The following MYO15A variants were observed in gnomAD, a reference collection of about 807,000 sequenced individuals.
MYO15A encodes the protein myosin XVA.
A neutral mutation model predicts 394.6 loss-of-function variants in MYO15A; 308 were observed. The ratio of observed to expected loss-of-function variants is 0.78; its 90% CI spans 0.71 to 0.86. The LOEUF (loss-of-function observed/expected upper bound fraction) is 0.86. Among genes scored for constraint, MYO15A ranks in the 40% least tolerant of loss-of-function variants. MYO15A has a pLI of 0.00. For missense variants in MYO15A, 4,606 were observed against 4,799.1 expected, an observed-to-expected ratio of 0.96 and a Z score of 1.19; for synonymous variants, 1,957 against 2,003.8, an observed-to-expected ratio of 0.98 and a Z score of 0.62.
At position 18,131,225 on chromosome 17, in the gene MYO15A, C is replaced by A; in HGVS notation, c.4039-14C>A. On this transcript the variant is annotated splice_polypyrimidine_tract_variant and intron_variant, in intron 8 of 65. Coordinates refer to ENST00000647165, the MANE Select transcript of MYO15A (RefSeq NM_016239.4). Reference sequence around the variant, plus strand: ...CCTAGCCCCTCAATTCCCACATCTCCTTCTGGAGTCCAGATCCTGGAGGCA... The same window carrying A: ...CCTAGCCCCTCAATTCCCACATCTCATTCTGGAGTCCAGATCCTGGAGGCA... 6.2e-7 allele frequency: 1 copy of A among 1,612,506 alleles called. No individual in the cohort carries two copies.
intron 65 of MYO15A, among the ~76,000 whole-genome samples, chr17:18,176,301 G>T (rs1027188968): frequency 3.3e-5 from 5 of 152,124 alleles, no homozygotes; most frequent in African/African-American, 1.2e-4. Flanking sequence ...GCCTCACGAA[G>T]CTTTTACTCA....
In MYO15A at chr17:18,121,053, A is replaced by G. The variant is rs1234657805; in HGVS notation, c.2253A>G (p.Arg751=). The part of the protein sequence containing the change: ...PRPSFRGSRR[R]GAAFGFPGAS... Reference sequence around the variant, plus strand: ...CCTCGTTCAGGGGCTCCCGCCGGAGAGGGGCGGCTTTCGGCTTCCCCGGGG... The same window carrying G: ...CCTCGTTCAGGGGCTCCCGCCGGAGGGGGGCGGCTTTCGGCTTCCCCGGGG... The change falls in exon 2 of 66, where the codon AGA becomes AGG. Residue 751 remains arginine, a synonymous_variant. Transcript: ENST00000647165. This position sits in a 1 kb window ranked among gnomAD's most constrained non-coding sequence, Gnocchi z 5.3. 2 of 1,508,490 alleles carry G rather than the reference A, an allele frequency of 1.3e-6. No individual in the cohort carries two copies. Among genetic ancestry groups the G allele is most frequent in the East Asian group, 2.6e-5 (1 of 37,854 alleles). The allele number at this position is 1,508,490 out of a possible 1,614,324, so 93.4% of individuals were successfully genotyped here. A position where few individuals can be genotyped will look rare whatever the true frequency, so the allele number is the denominator to read the frequency against.
chr17:18,152,317 G>C, intron 42 of MYO15A, 133 bp downstream of exon 42: 1 of 891,704 alleles, frequency 1.1e-6, no homozygotes, highest in South Asian at 1.5e-5. Flanking sequence ...GAGCACATTG[G>C]TGTAATTATA....
rs1366216038 is a variant in MYO15A at position 18,122,209 on chromosome 17, C to G, written c.3409C>G (p.Pro1137Ala). ...GCGAGTTGGGCCTGCAACCCTGAAGCCTCAAGTCCAGCCCATTCAGGACCC... is the reference window on the plus strand; with the variant it reads ...GCGAGTTGGGCCTGCAACCCTGAAGGCTCAAGTCCAGCCCATTCAGGACCC... ...FQRVGPATLK[P>A]QVQPIQDPKP... The change falls in exon 2 of 66, where the codon CCT becomes GCT. Residue 1137 changes from proline (P) to alanine (A), a missense_variant. This residue lies in a region of MYO15A where 1,830 missense variants were observed against 1,689.7 expected (regional missense o/e 1.08). Transcript: ENST00000647165. The G allele has an allele frequency of 6.2e-7, 1 of 1,613,194 alleles. No homozygotes were observed. The highest frequency in any genetic ancestry group is 2.2e-5 in the East Asian group (1 of 44,884).
chr17:18,121,262 A>C lies in MYO15A; in HGVS notation c.2462A>C (p.Gln821Pro), dbSNP rs372125621. The change falls in exon 2 of 66, where the codon CAG (glutamine) becomes CCG (proline). Residue 821 changes from glutamine to proline, a missense_variant. This residue lies in a region of MYO15A where 1,830 missense variants were observed against 1,689.7 expected (regional missense o/e 1.08). Coordinates refer to ENST00000647165, the MANE Select transcript of MYO15A (RefSeq NM_016239.4). This position sits in a 1 kb window ranked among gnomAD's most constrained non-coding sequence, Gnocchi z 5.3. ...LPPARRPRSL[Q>P]ESPAPRRAAG... ...CCGGCCCGCCGGCCCCGCTCGCTGC[A>C]GGAGTCCCCAGCCCCACGCCGAGCC... The C allele has an allele frequency of 5.9e-3, 8,498 of 1,451,342 alleles. 178 individuals carry two copies. In the African/African-American group the frequency reaches 0.064, roughly 11 times the overall value. The allele number at this position is 1,451,342 out of a possible 1,614,324, so 89.9% of individuals were successfully genotyped here. A position where few individuals can be genotyped will look rare whatever the true frequency, so the allele number is the denominator to read the frequency against.
At chr17:18,159,401 T>G in intron 54 of MYO15A, 54 bp downstream of exon 54, 1 of 1,594,470 alleles carries the variant, frequency 6.3e-7, no homozygotes, top group South Asian at 1.1e-5. Context: ...TCCAGCACTG[T>G]GTGATCTCTA....
In MYO15A at chr17:18,136,411, C is replaced by A. The variant is rs1395889563; in HGVS notation, c.4597-6C>A. ...GATGTCACTCAAGGGCTGTGCCCGT[C>A]CCTAGGAGACAATGCGAGAGAAGAT... On this transcript the variant is annotated splice_polypyrimidine_tract_variant and splice_region_variant and intron_variant, in intron 13 of 65. Coordinates refer to ENST00000647165, the MANE Select transcript of MYO15A (RefSeq NM_016239.4). The A allele has an allele frequency of 6.2e-7, 1 of 1,613,680 alleles. No homozygotes were observed. Among genetic ancestry groups the A allele is most frequent in the South Asian group, 1.1e-5 (1 of 91,084 alleles).
rs1479644935 is a variant in MYO15A at position 18,159,662 on chromosome 17, C to T, written c.9286C>T (p.Leu3096Phe). Residue 3096 changes from leucine to phenylalanine, a missense_variant, in exon 55 of 66, where the codon CTT becomes TTT. This residue lies in a region of MYO15A where 2,776 missense variants were observed against 3,109.3 expected (regional missense o/e 0.89). Transcript: ENST00000647165. The stretch of plus-strand genomic sequence containing the variant: ...GAAGGGCCAGAGTGACCTGGACGTG[C>T]TTTGTAACCTCCTGAAGGTCAGTCC... Reference protein sequence around the residue: ...PLKGQSDLDVLCNLLKLCGDH... With the variant: ...PLKGQSDLDVFCNLLKLCGDH... 3.5e-5 allele frequency: 56 copies of T among 1,613,994 alleles called. No homozygotes were observed. Among genetic ancestry groups the T allele is most frequent in the Non-Finnish European group, 4.7e-5 (56 of 1,180,032 alleles).
Position 18,157,870 on chromosome 17 carries a change from C to A in MYO15A, c.8937C>A (p.Ala2979=). 1 of 1,361,720 alleles carries A rather than the reference C, an allele frequency of 7.3e-7. No homozygotes were observed. 84.4% of individuals were successfully genotyped at this position (1,361,720 alleles called of 1,614,324 possible). A position where few individuals can be genotyped will look rare whatever the true frequency, so the allele number is the denominator to read the frequency against. Residue 2979 remains alanine, a synonymous_variant, in exon 51 of 66, where the codon GCC becomes GCA. Transcript: ENST00000647165. ...AAVAAAVASA[A]AAQEVGRRRE... is the part of the protein sequence containing the mutation. ...TGGCCGCTGCTGTGGCCTCTGCAGC[C>A]GCTGCACAGGAGGTGGGCCGCAGGA...
At chr17:18,149,889 G>A (rs2046547707) in intron 35 of MYO15A, 2 of 444,362 alleles carry the variant, frequency 4.5e-6, no homozygotes, top group South Asian at 2.2e-5. Context: ...GGAGTCTGAG[G>A]CTGCAGTGAG....
At chr17:18,168,774 A>G (rs560827173) in intron 62 of MYO15A, among the ~76,000 whole-genome samples, 3 of 151,784 alleles carry the variant, frequency 2.0e-5, no homozygotes, top group African/African-American at 7.2e-5. Flanking sequence ...GTCATTCTCA[A>G]ATTTTTGGTC....
rs1175138490 is a variant in MYO15A at position 18,171,622 on chromosome 17, C to T, written c.10083-16C>T. ...GGAGCTCACTCAGGACCTTTTTCCC[C>T]TTCCTCCGTACACAGGCGGGAAGTC... On this transcript the variant is annotated splice_polypyrimidine_tract_variant and intron_variant, in intron 62 of 65. Transcript: ENST00000647165. 9.9e-6 allele frequency: 16 copies of T among 1,613,786 alleles called. No homozygotes were observed. Among genetic ancestry groups the T allele is most frequent in the Non-Finnish European group, 1.4e-5 (16 of 1,180,056 alleles).
Position 18,153,778 on chromosome 17 carries a change from T to C in MYO15A, c.7970T>C (p.Leu2657Pro). ...PRPSMAPTSA[L>P]PSRSLEPPEE... ...CCCTGATCCCCGCGCTCTCCAGCTC[T>C]GCCCTCGCGATCGCTGGAGCCCCCT... Residue 2657 changes from leucine (L) to proline (P), a missense_variant, in exon 43 of 66, where the codon CTG becomes CCG. This residue lies in a region of MYO15A where 2,776 missense variants were observed against 3,109.3 expected (regional missense o/e 0.89). Transcript: ENST00000647165. The surrounding 1 kb of genome is among the most constrained non-coding windows in gnomAD (Gnocchi z 4.1). 6.2e-7 allele frequency: 1 copy of C among 1,613,552 alleles called. No individual in the cohort carries two copies. Among genetic ancestry groups the C allele is most frequent in the African/African-American group, 1.3e-5 (1 of 75,064 alleles).
intron 60 of MYO15A, 63 bp from the exon 61 acceptor site, chr17:18,166,298 A>G: frequency 6.3e-7 from 1 of 1,593,146 alleles, no homozygotes; most frequent in Admixed American, 1.7e-5. Context: ...CATGCTCTGT[A>G]CAGGTGCACA....
intron 52 of MYO15A, 67 bp from the exon 53 acceptor site, chr17:18,158,858 C>T: frequency 6.3e-7 from 1 of 1,588,192 alleles, no homozygotes; most frequent in Non-Finnish European, 8.6e-7. Context: ...GGGTTCTTTC[C>T]CATGTGGAAA....
In MYO15A at chr17:18,158,976, G is replaced by A. The variant is rs2046732826; in HGVS notation, c.9135G>A (p.Glu3045=). Residue 3045 remains glutamate, a synonymous_variant, in exon 53 of 66, where the codon GAG becomes GAA. Coordinates refer to ENST00000647165, the MANE Select transcript of MYO15A (RefSeq NM_016239.4). ...SKEPRESRTL[E]DMLCFTKTPL... ...AGCCTCGGGAGTCCAGAACCTTGGA[G>A]GACATGCTTTGCTTCACCAAGGTGT... 1.2e-6 allele frequency: 2 copies of A among 1,613,960 alleles called. No individual in the cohort carries two copies. Among genetic ancestry groups the A allele is most frequent in the Admixed American group, 1.7e-5 (1 of 60,002 alleles).
intron 19 of MYO15A, 50 bp from the exon 20 acceptor site, chr17:18,140,462 ATTTCG>A: frequency 6.2e-7 from 1 of 1,611,528 alleles, no homozygotes; most frequent in Non-Finnish European, 8.5e-7. Flanking sequence ...CTTCCTCCTC[ATTTCG>A]GTCTCCCGGA....
At chr17:18,157,098 G>C (rs147911428) in intron 49 of MYO15A, 33 bp downstream of exon 49, 3 of 1,612,552 alleles carry the variant, frequency 1.9e-6, no homozygotes, top group Non-Finnish European at 2.5e-6. Flanking sequence ...GGGGGCAGGA[G>C]GGGGAGGCTG....
chr17:18,127,037 G>A (rs541071322), intron 6 of MYO15A, 38 bp from the exon 7 acceptor site: 15 of 1,612,936 alleles, frequency 9.3e-6, no homozygotes, highest in Middle Eastern at 1.7e-4. Context: ...AAGAGGCAGC[G>A]AAAGGTTGGA....
Sources: gnomAD v4.1 joint callset for allele counts (sites outside exome capture counted in the v4.1 genomes callset) on GRCh38, gnomAD v4.1.1 for gene constraint, gnomAD v4.1.1 regional missense constraint, Gnocchi (gnomAD v3.1) non-coding constraint, MANE v1.5 for transcripts, NCBI Gene and HGNC (gene_info 2026-07-23, HGNC 2026-07-21) for gene names.